RBFOX1: variants seen among roughly 807,000 people sequenced by gnomAD.
RBFOX1 encodes the protein RNA binding fox-1 homolog 1.
RBFOX1 carries 8 observed loss-of-function variants against 57.7 expected under a neutral mutation model. The ratio of observed to expected loss-of-function variants is 0.14; its 90% CI spans 0.08 to 0.25. The LOEUF is 0.25. RBFOX1 is among the 10% of genes least tolerant of loss of function. The probability of loss-of-function intolerance (pLI) is 1.00; values close to 1 mark genes in which losing one functional copy is unlikely to be tolerated. For missense variants in RBFOX1, 611 were observed against 548.5 expected (o/e 1.11, Z -1.14); for synonymous variants, 326 against 222.4 (o/e 1.47, Z -4.15).
intron 4 of RBFOX1, among the ~76,000 whole-genome samples, chr16:7,489,646 G>A (rs186471051): frequency 4.5e-4 from 69 of 152,048 alleles, no homozygotes; most frequent in African/African-American, 1.5e-3. Context: ...CTCCCGAGTA[G>A]CTGGGATTAC....
chr16:6,094,401 T>G (rs1019901743), intron 1 of RBFOX1, among the ~76,000 whole-genome samples: 3 of 152,170 alleles, frequency 2.0e-5, no homozygotes, highest in Admixed American at 6.5e-5. Flanking sequence ...GGGAACAGTT[T>G]CTATGTAAAA....
intron 3 of RBFOX1, among the ~76,000 whole-genome samples, chr16:6,659,980 C>T (rs1312656965): frequency 2.6e-5 from 4 of 152,052 alleles, no homozygotes; most frequent in African/African-American, 7.2e-5. Context: ...CCTGTAATCC[C>T]AGCACTTTTG....
At chr16:5,306,181 C>T (rs562242371) in intron 1 of RBFOX1, among the ~76,000 whole-genome samples, 1 of 152,072 alleles carries the variant, frequency 6.6e-6, no homozygotes, top group Non-Finnish European at 1.5e-5. Flanking sequence ...AGCCTGGGCG[C>T]ATAGCAAGAC....
chr16:7,145,259 C>A (rs1265880865), intron 4 of RBFOX1, among the ~76,000 whole-genome samples: 1 of 152,128 alleles, frequency 6.6e-6, no homozygotes, highest in Non-Finnish European at 1.5e-5. Flanking sequence ...GGCTGGAGTG[C>A]AGTGGCGCAG....
chr16:5,598,948 G>A (rs1321731050), exon 3 of RBFOX1: 1 of 1,533,796 alleles, frequency 6.5e-7, no homozygotes, highest in Non-Finnish European at 8.7e-7. Context: ...GCCAAGAACA[G>A]CCTGCAAGAC....
At chr16:6,482,843 A>T (rs561102609) in intron 2 of RBFOX1, among the ~76,000 whole-genome samples, 2,668 of 152,328 alleles carry the variant, frequency 0.018, 80 homozygotes, top group African/African-American at 0.061. Context: ...TCCCGTGGAC[A>T]TTCTGAATAA....
intron 2 of RBFOX1, among the ~76,000 whole-genome samples, chr16:6,489,478 G>C (rs1437463980): frequency 6.6e-6 from 1 of 152,124 alleles, no homozygotes; most frequent in African/African-American, 2.4e-5. Flanking sequence ...GAGAAGTTGA[G>C]TAATCTGTAT....
chr16:6,762,892 C>G (rs898157319), intron 3 of RBFOX1, among the ~76,000 whole-genome samples: 3 of 152,012 alleles, frequency 2.0e-5, no homozygotes, highest in Admixed American at 6.6e-5. Flanking sequence ...TAAGTGGGTA[C>G]AAAGAGAATT....
intron 3 of RBFOX1, among the ~76,000 whole-genome samples, chr16:6,835,213 C>A (rs150916200): frequency 6.6e-6 from 1 of 152,038 alleles, no homozygotes; most frequent in East Asian, 1.9e-4. Context: ...CCTGACTTCT[C>A]TTGTGAAGAT....
intron 1 of RBFOX1, among the ~76,000 whole-genome samples, chr16:5,373,639 C>G (rs1462748064): frequency 1.3e-5 from 2 of 151,898 alleles, no homozygotes; most frequent in Admixed American, 1.3e-4. Context: ...GAATCTCTCT[C>G]TGTCACCCAG....
At chr16:5,631,927 C>T (rs371085152) in intron 3 of RBFOX1, among the ~76,000 whole-genome samples, 12 of 152,150 alleles carry the variant, frequency 7.9e-5, no homozygotes, top group Non-Finnish European at 1.0e-4. Context: ...AGAGTGGAGA[C>T]AGTAGAAATG....
chr16:5,617,295 G>T (rs940736362), intron 3 of RBFOX1, among the ~76,000 whole-genome samples: 2 of 152,152 alleles, frequency 1.3e-5, no homozygotes, highest in African/African-American at 4.8e-5. Flanking sequence ...CAGGTTCAAT[G>T]CTGCCCTTCG....
intron 2 of RBFOX1, among the ~76,000 whole-genome samples, chr16:6,459,566 T>C (rs532656515): frequency 4.9e-4 from 75 of 152,142 alleles, no homozygotes; most frequent in Non-Finnish European, 9.4e-4. Flanking sequence ...TTTCTTTTAA[T>C]TACCCTATAT....
chr16:5,943,095 G>A (rs946482707), intron 4 of RBFOX1, among the ~76,000 whole-genome samples: 1 of 152,136 alleles, frequency 6.6e-6, no homozygotes, highest in Admixed American at 6.5e-5. Flanking sequence ...CTCCCACCCT[G>A]AGGGGAGCTG....
chr16:5,418,177 C>G (rs1370563649), intron 1 of RBFOX1, among the ~76,000 whole-genome samples: 1 of 152,198 alleles, frequency 6.6e-6, no homozygotes, highest in Non-Finnish European at 1.5e-5. Context: ...TTCTTATGCC[C>G]ATCTTTAAAA....
chr16:5,724,328 G>C (rs1033904509), intron 3 of RBFOX1, among the ~76,000 whole-genome samples: 1 of 152,176 alleles, frequency 6.6e-6, no homozygotes. Flanking sequence ...GTCCTAAGCT[G>C]CTTTCACTGC....
intron 4 of RBFOX1, among the ~76,000 whole-genome samples, chr16:5,995,576 C>G (rs1326447209): frequency 6.6e-6 from 1 of 152,172 alleles, no homozygotes; most frequent in East Asian, 1.9e-4. Context: ...CTAACTGTTG[C>G]TGTGAGGACT....
chr16:7,490,666 G>T (rs1322883576), intron 4 of RBFOX1, among the ~76,000 whole-genome samples: 1 of 152,172 alleles, frequency 6.6e-6, no homozygotes, highest in Non-Finnish European at 1.5e-5. Flanking sequence ...TGTAACTATG[G>T]TCTGTGCTAG....
chr16:5,736,933 C>G (rs1262931400), intron 3 of RBFOX1, among the ~76,000 whole-genome samples: 1 of 149,316 alleles, frequency 6.7e-6, no homozygotes, highest in African/African-American at 2.5e-5. Context: ...CTCTCCCTGT[C>G]TCTCTTCCTC....
Sources: allele counts gnomAD v4.1 joint callset (sites outside exome capture counted in the v4.1 genomes callset), GRCh38; gene constraint gnomAD v4.1.1; transcripts MANE v1.5; gene names NCBI Gene and HGNC (gene_info 2026-07-23, HGNC 2026-07-21).